RAPGEF4: variants seen among roughly 807,000 people sequenced by gnomAD.
RAPGEF4 encodes the protein RAP guanine-nucleotide-exchange factor (GEF) 4.
Under a neutral mutation model 147.9 loss-of-function variants are expected in RAPGEF4, and 66 were observed. The ratio of observed to expected loss-of-function variants is 0.45; its 90% CI spans 0.37 to 0.55. The LOEUF (loss-of-function observed/expected upper bound fraction) is 0.55. Among genes scored for constraint, RAPGEF4 ranks in the 20% least tolerant of loss-of-function variants. The pLI, the probability that RAPGEF4 is intolerant of heterozygous loss-of-function variation, is 0.00. For missense variants in RAPGEF4, 1,071 were observed against 1,257.3 expected (o/e 0.85, Z 2.24); for synonymous variants, 419 against 442.7 (o/e 0.95, Z 0.67).
intron 4 of RAPGEF4, among the ~76,000 whole-genome samples, chr2:172,869,217 G>C (rs1398745667): frequency 6.6e-6 from 1 of 152,126 alleles, no homozygotes; most frequent in Non-Finnish European, 1.5e-5. Context: ...GATAACACAG[G>C]AAAGTCCTTC....
chr2:172,748,265 A>G (rs1384770276), intron 1 of RAPGEF4, among the ~76,000 whole-genome samples: 1 of 152,190 alleles, frequency 6.6e-6, no homozygotes, highest in Non-Finnish European at 1.5e-5. Flanking sequence ...TCAATAACAT[A>G]CTAATTTACA....
intron 6 of RAPGEF4, among the ~76,000 whole-genome samples, chr2:172,949,527 G>A (rs1157856901): frequency 1.3e-5 from 2 of 152,276 alleles, no homozygotes; most frequent in African/African-American, 4.8e-5. Context: ...CTGATGCATT[G>A]ATTATGAATC....
intron 10 of RAPGEF4, among the ~76,000 whole-genome samples, chr2:172,974,674 C>A (rs11693099): frequency 0.4 from 60,790 of 151,896 alleles, 12,691 homozygotes; most frequent in South Asian, 0.57. Flanking sequence ...CAGAGTGAGA[C>A]TCCATCTCAA....
intron 7 of RAPGEF4, 46 bp from the exon 8 acceptor site, chr2:172,961,076 T>C (rs763218403): frequency 4.2e-5 from 58 of 1,382,120 alleles, no homozygotes; most frequent in East Asian, 1.4e-4. Flanking sequence ...TTTCCTTCTA[T>C]AAACACTTCT....
chr2:173,018,241 C>T (rs552280168), intron 21 of RAPGEF4, among the ~76,000 whole-genome samples: 13 of 152,210 alleles, frequency 8.5e-5, no homozygotes, highest in Admixed American at 1.3e-4. Flanking sequence ...AGTGTCAGCA[C>T]GTGCTCATGG....
intron 18 of RAPGEF4, 58 bp downstream of exon 18, chr2:173,014,672 C>T (rs985284113): frequency 2.0e-6 from 3 of 1,530,356 alleles, no homozygotes; most frequent in Non-Finnish European, 2.7e-6. Flanking sequence ...CAGGGACCTA[C>T]TTATAGGCTC....
At chr2:172,997,426 G>A (rs1352506113) in intron 16 of RAPGEF4, among the ~76,000 whole-genome samples, 2 of 152,010 alleles carry the variant, frequency 1.3e-5, no homozygotes, top group African/African-American at 4.8e-5. Context: ...ATTATATTCT[G>A]AGATACTGGA....
chr2:173,028,042 C>T (rs1306174831), intron 25 of RAPGEF4, among the ~76,000 whole-genome samples: 2 of 152,220 alleles, frequency 1.3e-5, no homozygotes, highest in Admixed American at 1.3e-4. Flanking sequence ...AGACAATTTT[C>T]TTGACCCAAA....
chr2:172,912,335 C>G (rs1032623188), intron 4 of RAPGEF4, among the ~76,000 whole-genome samples: 1 of 152,188 alleles, frequency 6.6e-6, no homozygotes, highest in African/African-American at 2.4e-5. Context: ...TTTGCATAAG[C>G]CTTTTCCTAC....
chr2:172,767,493 T>TA (rs768879378), intron 1 of RAPGEF4, among the ~76,000 whole-genome samples: 2 of 152,180 alleles, frequency 1.3e-5, no homozygotes, highest in Admixed American at 1.3e-4. Context: ...TACTCTGTTT[T>TA]AAAAAAACAT....
chr2:172,933,857 G>A (rs980623009), intron 6 of RAPGEF4, among the ~76,000 whole-genome samples: 3 of 152,168 alleles, frequency 2.0e-5, no homozygotes, highest in African/African-American at 7.2e-5. Context: ...CATCCTCAGG[G>A]ACCTAATTTA....
intron 29 of RAPGEF4, among the ~76,000 whole-genome samples, chr2:173,037,476 GA>G (rs1221229230): frequency 1.3e-5 from 2 of 152,190 alleles, no homozygotes; most frequent in Admixed American, 1.3e-4. Context: ...TAGCGGGGGG[GA>G]AAGCAAGGTT....
intron 1 of RAPGEF4, among the ~76,000 whole-genome samples, chr2:172,762,189 C>T (rs1443405588): frequency 1.3e-5 from 2 of 152,182 alleles, no homozygotes; most frequent in Non-Finnish European, 2.9e-5. Context: ...AAAAGCCCCT[C>T]AATAATATTC....
intron 4 of RAPGEF4, among the ~76,000 whole-genome samples, chr2:172,891,640 C>A (rs1697926298): frequency 6.6e-6 from 1 of 152,144 alleles, no homozygotes; most frequent in Admixed American, 6.5e-5. Flanking sequence ...TAGATGGGTG[C>A]ACGTGCAGCA....
chr2:172,932,896 T>A (rs888150079), intron 6 of RAPGEF4, among the ~76,000 whole-genome samples: 4 of 152,202 alleles, frequency 2.6e-5, no homozygotes, highest in African/African-American at 9.6e-5. Flanking sequence ...CTAGATTGGG[T>A]TATGACAATA....
At chr2:172,888,796 A>G (rs1366293181) in intron 4 of RAPGEF4, among the ~76,000 whole-genome samples, 1 of 152,158 alleles carries the variant, frequency 6.6e-6, no homozygotes, top group Non-Finnish European at 1.5e-5. Context: ...AGAAAGCAGC[A>G]TTTTTCAAGA....
At chr2:172,966,319 A>G (rs1689836854) in intron 9 of RAPGEF4, among the ~76,000 whole-genome samples, 1 of 152,194 alleles carries the variant, frequency 6.6e-6, no homozygotes, top group Admixed American at 6.5e-5. Flanking sequence ...TCATTTACCA[A>G]CACCTGGGAA....
At chr2:172,817,879 TATATATATATATATATATCACAA>T (rs1331305139) in intron 4 of RAPGEF4, among the ~76,000 whole-genome samples, 2 of 29,266 alleles carry the variant, frequency 6.8e-5, no homozygotes, top group Non-Finnish European at 2.0e-4. Flanking sequence ...AATTGTGATA[TATATATATATATATATATCACAA>T]TTATATATAT....
At chr2:172,796,291 T>C (rs1020266767) in intron 2 of RAPGEF4, among the ~76,000 whole-genome samples, 9 of 152,132 alleles carry the variant, frequency 5.9e-5, no homozygotes, top group African/African-American at 2.2e-4. Context: ...GTTTCTACCA[T>C]TAATATTTTG....
Sources: gnomAD v4.1 joint callset for allele counts (sites outside exome capture counted in the v4.1 genomes callset) on GRCh38, gnomAD v4.1.1 for gene constraint, MANE v1.5 for transcripts, NCBI Gene and HGNC (gene_info 2026-07-23, HGNC 2026-07-21) for gene names.